REM1: variants seen among roughly 807,000 people sequenced by gnomAD.
REM1 encodes RRAD and GEM like GTPase 1.
In REM1, 20 loss-of-function variants were observed where a neutral mutation model predicts 27.0. The ratio of observed to expected loss-of-function variants is 0.74; its 90% CI spans 0.52 to 1.08. The LOEUF is 1.08. REM1 is among the 50% of genes least tolerant of loss of function. The pLI, the probability that REM1 is intolerant of heterozygous loss-of-function variation, is 0.00. For synonymous variants in REM1, 159 were observed against 167.9 expected (o/e 0.95, Z 0.41); for missense variants, 405 against 407.0 (o/e 1.00, Z 0.04).
At chr20:31,484,085 A>AC in intron 4 of REM1, 74 bp from the exon 5 acceptor site, 1 of 1,451,994 alleles carries the variant, frequency 6.9e-7, no homozygotes, top group Non-Finnish European at 9.1e-7. Context: ...TCGAGACTAA[A>AC]CACATCTCTT....
rs1326486557 is a variant in REM1, at chr20:31,475,570, C to G, written c.-220+204C>G. Among the ~76,000 whole-genome samples the G allele has an allele frequency of 6.6e-6, 1 of 152,198 alleles. No homozygotes were observed. The highest frequency in any genetic ancestry group is 1.9e-4 in the East Asian group (1 of 5,178). On this transcript the variant is annotated intron_variant, in intron 1 of 4. Transcript: ENST00000201979. The surrounding 1 kb of genome is among the most constrained non-coding windows in gnomAD (Gnocchi z 5.0). Reference sequence around the variant, plus strand: ...CAACCCCAGGATGGGGGATTCACACCCGGGATGCCGGCTGAGAAAGCTCGG... The same window carrying G: ...CAACCCCAGGATGGGGGATTCACACGCGGGATGCCGGCTGAGAAAGCTCGG...
At position 31,482,284 on chromosome 20, in the gene REM1, C is replaced by T. The variant is rs1223616103; in HGVS notation, c.424-3C>T. ...GGATGGGTCTTGGGTCCCTCTCCTG[C>T]AGGATAAAAGCTGGAGCCAGGAGTC... On this transcript the variant is annotated splice_polypyrimidine_tract_variant and splice_region_variant and intron_variant, in intron 3 of 4. Transcript: ENST00000201979. 1.9e-6 allele frequency: 3 copies of T among 1,613,832 alleles called. No individual in the cohort carries two copies. The highest frequency in any genetic ancestry group is 2.7e-5 in the African/African-American group (2 of 74,934).
chr20:31,481,152 C>T (rs1221021716), intron 3 of REM1, among the ~76,000 whole-genome samples: 2 of 152,044 alleles, frequency 1.3e-5, no homozygotes, highest in Non-Finnish European at 2.9e-5. Flanking sequence ...AGCTGCCTGT[C>T]ATCCCAGCTA....
intron 3 of REM1, among the ~76,000 whole-genome samples, chr20:31,481,670 A>ACCATC (rs1384169123): frequency 6.6e-6 from 1 of 152,214 alleles, no homozygotes; most frequent in African/African-American, 2.4e-5. Context: ...ACAAAAGATC[A>ACCATC]CCATCCAAAA....
chr20:31,476,726 C>A lies in REM1; in HGVS notation c.281C>A (p.Thr94Asn). 1 of 1,613,970 alleles carries A rather than the reference C, an allele frequency of 6.2e-7. No homozygotes were observed. The highest frequency in any genetic ancestry group is 8.5e-7 in the Non-Finnish European group (1 of 1,179,966). The change falls in exon 2 of 5, where the codon ACC becomes AAC. Residue 94 changes from threonine (T) to asparagine (N), a missense_variant. Coordinates refer to ENST00000201979, the MANE Select transcript of REM1 (RefSeq NM_014012.6). ...VLLGDPGVGKTSLASLFAGKQ... is the reference protein window; with the variant it reads ...VLLGDPGVGKNSLASLFAGKQ... ...CTTGGAGATCCTGGAGTGGGGAAGACCAGCTTGGCCAGCCTCTTTGCAGGG... is the reference window on the plus strand; with the variant it reads ...CTTGGAGATCCTGGAGTGGGGAAGAACAGCTTGGCCAGCCTCTTTGCAGGG...
chr20:31,479,815 C>T (rs1568762533), intron 3 of REM1, among the ~76,000 whole-genome samples: 1 of 152,224 alleles, frequency 6.6e-6, no homozygotes, highest in African/African-American at 2.4e-5. Context: ...ATTGGCTGGG[C>T]GCGTTGGCTC....
chr20:31,481,239 C>T (rs765257147), intron 3 of REM1, among the ~76,000 whole-genome samples: 3 of 152,160 alleles, frequency 2.0e-5, no homozygotes, highest in Non-Finnish European at 4.4e-5. Flanking sequence ...TGCCACTGCA[C>T]TCCAGCCTGG....
chr20:31,475,538 A>T lies in REM1; in HGVS notation c.-220+172A>T, dbSNP rs1232255941. On this transcript the variant is annotated intron_variant, in intron 1 of 4. Transcript: ENST00000201979. The surrounding 1 kb of genome is among the most constrained non-coding windows in gnomAD (Gnocchi z 5.0). ...GAGGGCTGGATAGCCCTGGACAAAG[A>T]CCCCTCCAACCCCAGGATGGGGGAT... Among the ~76,000 whole-genome samples the T allele has an allele frequency of 6.6e-6, 1 of 152,050 alleles. No individual in the cohort carries two copies. Among genetic ancestry groups the T allele is most frequent in the African/African-American group, 2.4e-5 (1 of 41,388 alleles).
In REM1 at chr20:31,482,352, C is replaced by T. The variant is rs762904831; in HGVS notation, c.489C>T (p.Ile163=). 1.9e-6 allele frequency: 3 copies of T among 1,614,156 alleles called. No homozygotes were observed. The highest frequency in any genetic ancestry group is 2.2e-5 in the East Asian group (1 of 44,880). Residue 163 remains isoleucine, a synonymous_variant, in exon 4 of 5, where the codon ATC becomes ATT. Coordinates refer to ENST00000201979, the MANE Select transcript of REM1 (RefSeq NM_014012.6). ...GTGCCTATGTCATCGTATACTCCAT[C>T]GCAGACCGAGGCAGCTTTGAGAGTG... ...GGSAYVIVYS[I]ADRGSFESAS...
intron 3 of REM1, among the ~76,000 whole-genome samples, chr20:31,481,406 C>T (rs1242966853): frequency 6.6e-6 from 1 of 152,032 alleles, no homozygotes; most frequent in Non-Finnish European, 1.5e-5. Flanking sequence ...TGGCCTCCCC[C>T]TCCTTCCTAA....
chr20:31,482,539 G>A, intron 4 of REM1, 51 bp downstream of exon 4: 1 of 1,557,358 alleles, frequency 6.4e-7, no homozygotes, highest in Non-Finnish European at 8.8e-7. Context: ...CACTGTCATG[G>A]CTGCTCCTCC....
chr20:31,478,034 C>CA (rs759582558), intron 3 of REM1, 124 bp downstream of exon 3: 27 of 643,866 alleles, frequency 4.2e-5, no homozygotes, highest in Middle Eastern at 2.5e-4. Flanking sequence ...CACCCTCCCC[C>CA]AAAACCCACA....
Position 31,476,528 on chromosome 20 carries a change from A to G in REM1, c.83A>G (p.His28Arg), listed in dbSNP as rs1006459. ...CCACTGCCCCTGTCCCCACGGGGCC[A>G]CCAGCCTGGCCGCCTGAGCACAGTG... ...STPLPLSPRG[H>R]QPGRLSTVPS... Residue 28 changes from histidine to arginine, a missense_variant, in exon 2 of 5, where the codon CAC becomes CGC. His to Arg is a conservative substitution (Grantham distance 29). Transcript: ENST00000201979. The G allele has an allele frequency of 0.33, 535,935 of 1,613,720 alleles. 100,248 individuals are homozygous for G. Among genetic ancestry groups the G allele is most frequent in the African/African-American group, 0.83 (62,174 of 74,942 alleles).
chr20:31,484,720 C>T lies in REM1; in HGVS notation c.*290C>T, dbSNP rs1275796115. The T allele has an allele frequency of 2.3e-6, 1 of 430,008 alleles. No homozygotes were observed. Among genetic ancestry groups the T allele is most frequent in the Non-Finnish European group, 4.1e-6 (1 of 243,902 alleles). 26.6% of individuals were successfully genotyped at this position (430,008 alleles called of 1,614,324 possible). On this transcript the variant is annotated 3_prime_UTR_variant, in exon 5 of 5. Transcript: ENST00000201979. ...TTGTCCCTGGGCTCTGGCCAACCCT[C>T]AGAAACCCTCACAATAAACCAGACC... is the stretch of plus-strand genomic sequence containing the variant.
In REM1 at chr20:31,475,624, C is replaced by T. The variant is rs1179653404; in HGVS notation, c.-220+258C>T. On this transcript the variant is annotated intron_variant, in intron 1 of 4. Transcript: ENST00000201979. This position sits in a 1 kb window ranked among gnomAD's most constrained non-coding sequence, Gnocchi z 5.0. ...CAGACTCCAGGAATGGCACAGCGTT[C>T]CCGGGCCCTGTGGTCTGCCCTCCCC... Among the ~76,000 whole-genome samples, 3 of 152,214 alleles carry T rather than the reference C, an allele frequency of 2.0e-5. No homozygotes were observed. Among genetic ancestry groups the T allele is most frequent in the African/African-American group, 7.2e-5 (3 of 41,458 alleles).
At chr20:31,480,888 G>A (rs1165972331) in intron 3 of REM1, among the ~76,000 whole-genome samples, 2 of 152,176 alleles carry the variant, frequency 1.3e-5, no homozygotes, top group East Asian at 3.9e-4. Flanking sequence ...CAGTATGGCT[G>A]TTGAGAACTT....
chr20:31,478,032 C>T, intron 3 of REM1, 122 bp downstream of exon 3: 1 of 649,846 alleles, frequency 1.5e-6, no homozygotes, highest in Non-Finnish European at 2.8e-6. Context: ...AGCACCCTCC[C>T]CCAAAACCCA....
rs751372348 is a variant in REM1, at chr20:31,484,448, A to G, written c.*18A>G. ...TGCTCTGAAGCCCCCCGCCCTTCTG[A>G]GAGTTGGCGGGTCACTGAGGTGCAT... On this transcript the variant is annotated 3_prime_UTR_variant, in exon 5 of 5. Transcript: ENST00000201979. The G allele has an allele frequency of 1.4e-6, 2 of 1,466,288 alleles. No homozygotes were observed. The highest frequency in any genetic ancestry group is 5.1e-5 in the Admixed American group (2 of 39,478). The allele number at this position is 1,466,288 out of a possible 1,614,324, so 90.8% of individuals were successfully genotyped here.
At position 31,475,388 on chromosome 20, in the gene REM1, C is replaced by G. The variant is rs902485752; in HGVS notation, c.-220+22C>G. The stretch of plus-strand genomic sequence containing the variant: ...CGAGGTAAAGCCCTGCGCTACGCGC[C>G]GCCAACTTGCTCAAGTTGGAGCAGA... On this transcript the variant is annotated intron_variant, in intron 1 of 4. Transcript: ENST00000201979. The surrounding 1 kb of genome is among the most constrained non-coding windows in gnomAD (Gnocchi z 5.0). 5.2e-5 allele frequency: 8 copies of G among 152,418 alleles called. No individual in the cohort carries two copies. Among genetic ancestry groups the G allele is most frequent in the African/African-American group, 1.7e-4 (7 of 41,464 alleles). The allele number at this position is 152,418 out of a possible 1,614,324, so 9.4% of individuals were successfully genotyped here.
Sources: gnomAD v4.1 joint callset for allele counts (sites outside exome capture counted in the v4.1 genomes callset) on GRCh38, gnomAD v4.1.1 for gene constraint, Gnocchi (gnomAD v3.1) non-coding constraint, MANE v1.5 for transcripts, NCBI Gene and HGNC (gene_info 2026-07-23, HGNC 2026-07-21) for gene names.